The following PRKCE variants were observed in gnomAD, a reference collection of about 807,000 sequenced individuals.
PRKCE encodes the protein protein kinase C epsilon, also known as protein kinase C epsilon type.
PRKCE carries 16 observed loss-of-function variants against 85.4 expected under a neutral mutation model. That is an observed-to-expected ratio of 0.19 (90% CI 0.13 to 0.28). PRKCE has a LOEUF of 0.28. PRKCE is among the 10% of genes least tolerant of loss of function. The pLI is 1.00. For synonymous variants in PRKCE, 388 were observed against 371.5 expected (o/e 1.04, Z -0.51); for missense variants, 573 against 975.2 (o/e 0.59, Z 5.49).
At chr2:45,766,021 A>G (rs1475090864) in intron 1 of PRKCE, among the ~76,000 whole-genome samples, 6 of 152,282 alleles carry the variant, frequency 3.9e-5, no homozygotes, top group Middle Eastern at 6.8e-3. Context: ...CCCCACCTCC[A>G]GGCAAAAGAA....
intron 8 of PRKCE, among the ~76,000 whole-genome samples, chr2:46,006,773 T>C (rs1295148954): frequency 6.6e-6 from 1 of 152,238 alleles, no homozygotes; most frequent in Non-Finnish European, 1.5e-5. Flanking sequence ...GGCACAAGAC[T>C]GTCTCGTAGT....
intron 10 of PRKCE, among the ~76,000 whole-genome samples, chr2:46,083,863 A>G (rs1558435017): frequency 1.3e-5 from 2 of 152,216 alleles, no homozygotes; most frequent in African/African-American, 2.4e-5. Flanking sequence ...AGAATAATGT[A>G]TAATCCTTAT....
chr2:45,693,654 C>G (rs1333527801), intron 1 of PRKCE, among the ~76,000 whole-genome samples: 1 of 152,104 alleles, frequency 6.6e-6, no homozygotes, highest in African/African-American at 2.4e-5. Context: ...AGAGGCTGGT[C>G]TCAAGAAAAC....
intron 1 of PRKCE, among the ~76,000 whole-genome samples, chr2:45,659,661 C>T (rs1675544098): frequency 6.6e-6 from 1 of 152,280 alleles, no homozygotes; most frequent in African/African-American, 2.4e-5. Flanking sequence ...ATGCACTTAC[C>T]ATGCTCCTGC....
rs867371505 is a variant in PRKCE, at chr2:46,086,220, T to C, written c.1450T>C (p.Phe484Leu). 1.9e-6 allele frequency: 3 copies of C among 1,599,462 alleles called. No individual in the cohort carries two copies. The African/African-American group carries it at 4.0e-5, about 21-fold the overall frequency. ...TCTCTCCTTTCAGGACCGCCTCTTT[T>C]TCGTCATGGAATATGTAAATGGTGG... ...CCFQTKDRLF[F>L]VMEYVNGGDL... The change falls in exon 11 of 15, where the codon TTC becomes CTC. Residue 484 changes from phenylalanine (F) to leucine (L), a missense_variant. Phe to Leu is a conservative substitution (Grantham distance 22, BLOSUM62 0). Transcript: ENST00000306156.
At chr2:45,811,737 C>T (rs1008807597) in intron 1 of PRKCE, among the ~76,000 whole-genome samples, 1 of 152,078 alleles carries the variant, frequency 6.6e-6, no homozygotes, top group Admixed American at 6.5e-5. Flanking sequence ...GAAACTGGAA[C>T]CCTAGAATAA....
chr2:45,661,326 G>T (rs1348082884), intron 1 of PRKCE, among the ~76,000 whole-genome samples: 1 of 151,624 alleles, frequency 6.6e-6, no homozygotes, highest in Non-Finnish European at 1.5e-5. Flanking sequence ...GGGATTACAA[G>T]CATGAGCCAC....
chr2:46,015,112 G>A (rs1398067352), intron 10 of PRKCE, among the ~76,000 whole-genome samples: 1 of 152,160 alleles, frequency 6.6e-6, no homozygotes, highest in Admixed American at 6.5e-5. Flanking sequence ...AAAACTTAGG[G>A]GCTTGGTCAG....
intron 14 of PRKCE, among the ~76,000 whole-genome samples, chr2:46,170,715 T>C (rs1398571588): frequency 6.6e-6 from 1 of 152,198 alleles, no homozygotes; most frequent in East Asian, 1.9e-4. Flanking sequence ...ATTAGGAAAC[T>C]TGAAATTATT....
At chr2:45,798,327 C>T (rs1338479762) in intron 1 of PRKCE, among the ~76,000 whole-genome samples, 1 of 152,166 alleles carries the variant, frequency 6.6e-6, no homozygotes, top group South Asian at 2.1e-4. Context: ...AACTGAGGCT[C>T]CCAAGAGTTA....
At chr2:46,060,924 G>C (rs1023695466) in intron 10 of PRKCE, among the ~76,000 whole-genome samples, 1 of 151,488 alleles carries the variant, frequency 6.6e-6, no homozygotes, top group Non-Finnish European at 1.5e-5. Context: ...ACCACACCTG[G>C]CTCATTTTTG....
chr2:45,756,976 C>T (rs72886140), intron 1 of PRKCE, among the ~76,000 whole-genome samples: 6,678 of 152,150 alleles, frequency 0.044, 480 homozygotes, highest in African/African-American at 0.15. Flanking sequence ...TTCAGCTGGG[C>T]GTGGTGGCTC....
intron 10 of PRKCE, among the ~76,000 whole-genome samples, chr2:46,079,716 A>G (rs1668890449): frequency 6.6e-6 from 1 of 152,230 alleles, no homozygotes; most frequent in Admixed American, 6.5e-5. Context: ...GTGATGGAGA[A>G]TCTGTGTGTC....
At chr2:46,125,916 G>A (rs1332091026) in intron 11 of PRKCE, among the ~76,000 whole-genome samples, 1 of 152,186 alleles carries the variant, frequency 6.6e-6, no homozygotes, top group Non-Finnish European at 1.5e-5. Context: ...TGAAGTACCT[G>A]TTTAAAATGA....
intron 2 of PRKCE, among the ~76,000 whole-genome samples, chr2:45,937,376 C>A (rs545510544): frequency 3.3e-5 from 5 of 152,210 alleles, no homozygotes; most frequent in African/African-American, 7.2e-5. Flanking sequence ...TGGAGGCTAA[C>A]ACCTGGTAGG....
At chr2:45,904,137 C>T (rs35912944) in intron 2 of PRKCE, among the ~76,000 whole-genome samples, 29,046 of 152,054 alleles carry the variant, frequency 0.19, 3,460 homozygotes, top group South Asian at 0.31. Context: ...CTCTTGATCT[C>T]AAGTGATCTG....
At chr2:46,052,792 A>G (rs1337289905) in intron 10 of PRKCE, among the ~76,000 whole-genome samples, 1 of 152,278 alleles carries the variant, frequency 6.6e-6, no homozygotes, top group East Asian at 1.9e-4. Context: ...TGGTACTGGA[A>G]TAAGCACAGG....
chr2:45,687,903 G>T (rs189637173), intron 1 of PRKCE, among the ~76,000 whole-genome samples: 5 of 152,330 alleles, frequency 3.3e-5, no homozygotes, highest in Admixed American at 3.3e-4. Flanking sequence ...CTGTTTGGAA[G>T]CACGTTGGAG....
intron 1 of PRKCE, among the ~76,000 whole-genome samples, chr2:45,775,688 C>T (rs1685693656): frequency 6.6e-6 from 1 of 152,180 alleles, no homozygotes; most frequent in South Asian, 2.1e-4. Flanking sequence ...CCTAATGGGT[C>T]TCTCGGCTTC....
Sources: gnomAD v4.1 joint callset for allele counts (sites outside exome capture counted in the v4.1 genomes callset) on GRCh38, gnomAD v4.1.1 for gene constraint, MANE v1.5 for transcripts, NCBI Gene and HGNC (gene_info 2026-07-23, HGNC 2026-07-21) for gene names.